The following PPM1E variants were observed in gnomAD, a reference collection of about 807,000 sequenced individuals.
PPM1E encodes protein phosphatase 1E.
Under a neutral mutation model 65.9 loss-of-function variants are expected in PPM1E, and 20 were observed. That is an observed-to-expected ratio of 0.30 (90% CI 0.21 to 0.44). The LOEUF is 0.44. PPM1E is among the 20% of genes least tolerant of loss of function. The pLI, the probability that PPM1E is intolerant of heterozygous loss-of-function variation, is 1.00. For synonymous variants in PPM1E, 352 were observed against 374.9 expected, an observed-to-expected ratio of 0.94 and a Z score of 0.70; for missense variants, 713 against 953.1, an observed-to-expected ratio of 0.75 and a Z score of 3.32.
At chr17:58,880,800 G>T (rs2051186549) in intron 1 of PPM1E, among the ~76,000 whole-genome samples, 1 of 151,752 alleles carries the variant, frequency 6.6e-6, no homozygotes, top group Non-Finnish European at 1.5e-5. Context: ...ATTTTTTTTG[G>T]TATATTTTGT....
chr17:58,947,063 CACCATTTG>C (rs2052161541), intron 1 of PPM1E, among the ~76,000 whole-genome samples: 1 of 148,350 alleles, frequency 6.7e-6, no homozygotes, highest in Non-Finnish European at 1.5e-5. Flanking sequence ...ATTTTTCCAG[CACCATTTG>C]ACCATTTTGT....
chr17:58,757,940 A>G (rs1195559873), intron 1 of PPM1E, among the ~76,000 whole-genome samples: 2 of 152,170 alleles, frequency 1.3e-5, no homozygotes, highest in Non-Finnish European at 2.9e-5. Flanking sequence ...GTCTTTGTGA[A>G]CTATCATAGA....
At chr17:58,805,375 C>T (rs778432259) in intron 1 of PPM1E, among the ~76,000 whole-genome samples, 30 of 152,102 alleles carry the variant, frequency 2.0e-4, no homozygotes, top group Non-Finnish European at 3.8e-4. Context: ...CTCAACCTCC[C>T]GAGTAACTGG....
In PPM1E at chr17:58,756,121, G is replaced by A; in HGVS notation, c.124G>A (p.Glu42Lys). ...GGAACCCGAACCCGAACCCGAACCC[G>A]AACCCGAGTCCGAGCCCGAGCCCGA... ...EPEPEPEPEP[E>K]PESEPEPEPE... The change falls in exon 1 of 7, where the codon GAA becomes AAA. Residue 42 changes from glutamate (E) to lysine (K), a missense_variant. Coordinates refer to ENST00000308249, the MANE Select transcript of PPM1E (RefSeq NM_014906.5). The A allele has an allele frequency of 6.2e-7, 1 of 1,609,036 alleles. No individual in the cohort carries two copies. Among genetic ancestry groups the A allele is most frequent in the Non-Finnish European group, 8.5e-7 (1 of 1,177,596 alleles).
chr17:58,831,643 A>G (rs925253175), intron 1 of PPM1E, among the ~76,000 whole-genome samples: 1 of 152,174 alleles, frequency 6.6e-6, no homozygotes, highest in Non-Finnish European at 1.5e-5. Context: ...TGAGATAGCT[A>G]GTATCTCCAG....
chr17:58,806,302 C>G (rs192961205), intron 1 of PPM1E, among the ~76,000 whole-genome samples: 1 of 150,832 alleles, frequency 6.6e-6, no homozygotes, highest in African/African-American at 2.4e-5. Context: ...ATCATTTTGC[C>G]GAGAAAATTA....
intron 1 of PPM1E, among the ~76,000 whole-genome samples, chr17:58,891,321 A>T (rs749153950): frequency 9.9e-5 from 15 of 151,532 alleles, no homozygotes; most frequent in Admixed American, 3.3e-4. Context: ...AAATGGATTT[A>T]TTATTATTAT....
At chr17:58,879,476 A>G (rs961560653) in intron 1 of PPM1E, among the ~76,000 whole-genome samples, 1 of 150,300 alleles carries the variant, frequency 6.7e-6, no homozygotes, top group Non-Finnish European at 1.5e-5. Flanking sequence ...TCATTTAGGA[A>G]AAAAAGATTA....
rs59797345 is a variant in PPM1E at position 58,837,332 on chromosome 17, T to TACAC, written c.464+80896_464+80899dup. 2.9e-3 allele frequency among the ~76,000 whole-genome samples: 375 copies of TACAC among 131,418 alleles called. 2 individuals carry two copies. The highest frequency in any genetic ancestry group is 5.9e-3 in the South Asian group (23 of 3,924). The allele number at this position is 131,418 out of a possible 152,430, so 86.2% of individuals were successfully genotyped here. On this transcript the variant is annotated intron_variant, in intron 1 of 6. Transcript: ENST00000308249. ...AGAGAATGAGAATAACACACACACA[T>TACAC]ACACACACACACACACACACACACA... is the stretch of plus-strand genomic sequence containing the variant.
At chr17:58,798,737 A>C (rs1364934643) in intron 1 of PPM1E, among the ~76,000 whole-genome samples, 1 of 151,368 alleles carries the variant, frequency 6.6e-6, no homozygotes, top group East Asian at 1.9e-4. Context: ...TCTGTCACCC[A>C]AGCTGGAGTT....
chr17:58,954,458 TA>T (rs1201602701), intron 1 of PPM1E, among the ~76,000 whole-genome samples: 1 of 152,194 alleles, frequency 6.6e-6, no homozygotes, highest in Non-Finnish European at 1.5e-5. Flanking sequence ...TACCATCACC[TA>T]AAAGGCCCAT....
intron 1 of PPM1E, among the ~76,000 whole-genome samples, chr17:58,800,052 C>T (rs1023141770): frequency 3.9e-5 from 6 of 151,966 alleles, no homozygotes; most frequent in African/African-American, 1.5e-4. Flanking sequence ...GTGTGTAAAT[C>T]AATTAGCAAA....
chr17:58,804,417 C>G (rs1458127444), intron 1 of PPM1E, among the ~76,000 whole-genome samples: 3 of 151,660 alleles, frequency 2.0e-5, no homozygotes, highest in African/African-American at 7.3e-5. Context: ...TTTTTTCTTC[C>G]TACCAAAACA....
rs1301731316 is a variant in PPM1E at position 58,805,967 on chromosome 17, AAAAAAACAAAAAAAAAACAAAAC to A, written c.464+49511_464+49533del. On this transcript the variant is annotated intron_variant, in intron 1 of 6. Coordinates refer to ENST00000308249, the MANE Select transcript of PPM1E (RefSeq NM_014906.5). ...GTTCTGCTAAAAAAAAAAACAAAAA[AAAAAAACAAAAAAAAAACAAAAC>A]AAAACAAAACAAAAAAAAAACTATA... is the stretch of plus-strand genomic sequence containing the variant. Among the ~76,000 whole-genome samples, 268 of 113,794 alleles carry A rather than the reference AAAAAAACAAAAAAAAAACAAAAC, an allele frequency of 2.4e-3. 9 individuals are homozygous for A. The highest frequency in any genetic ancestry group is 8.4e-3 in the African/African-American group (213 of 25,248). The allele number at this position is 113,794 out of a possible 152,430, so 74.7% of individuals were successfully genotyped here. A position where few individuals can be genotyped will look rare whatever the true frequency, so the allele number is the denominator to read the frequency against.
chr17:58,861,611 G>A (rs552195060), intron 1 of PPM1E, among the ~76,000 whole-genome samples: 32 of 152,244 alleles, frequency 2.1e-4, no homozygotes, highest in African/African-American at 7.7e-4. Flanking sequence ...TTTCACCTTC[G>A]TTGGAGGGAG....
chr17:58,770,020 C>CT (rs2049920721), intron 1 of PPM1E, among the ~76,000 whole-genome samples: 3 of 151,722 alleles, frequency 2.0e-5, no homozygotes, highest in Admixed American at 2.0e-4. Context: ...GAGCAAAACT[C>CT]TATCTAAAAA....
rs2051737570 is a variant in PPM1E at position 58,920,452 on chromosome 17, T to C, written c.465-35197T>C. Among the ~76,000 whole-genome samples the C allele has an allele frequency of 2.0e-5, 3 of 152,186 alleles. No homozygotes were observed. In the South Asian group the frequency reaches 6.2e-4, roughly 31 times the overall value. On this transcript the variant is annotated intron_variant, in intron 1 of 6. Transcript: ENST00000308249. ...TTCTACTCTCCTCCCACAACTCCTG[T>C]CTTTCCAGCCCTCTCCCTGTAGTAT...
At chr17:58,955,597 A>G in intron 1 of PPM1E, 52 bp from the exon 2 acceptor site, 1 of 1,581,046 alleles carries the variant, frequency 6.3e-7, no homozygotes. Context: ...CGTTAAATGT[A>G]TTACTTTCTA....
At position 58,775,771 on chromosome 17, in the gene PPM1E, G is replaced by A. The variant is rs370095075; in HGVS notation, c.464+19310G>A. The stretch of plus-strand genomic sequence containing the variant: ...CTACTAAAAATACAAAAAATTAGCC[G>A]GGCGCGGTGGCGGGCGCCTGTAGTC... On this transcript the variant is annotated intron_variant, in intron 1 of 6. Coordinates refer to ENST00000308249, the MANE Select transcript of PPM1E (RefSeq NM_014906.5). 8.4e-3 allele frequency among the ~76,000 whole-genome samples: 1,254 copies of A among 149,954 alleles called. 13 individuals carry two copies. Among genetic ancestry groups the A allele is most frequent in the South Asian group, 0.019 (88 of 4,718 alleles).
Sources: gnomAD v4.1 joint callset for allele counts (sites outside exome capture counted in the v4.1 genomes callset) on GRCh38, gnomAD v4.1.1 for gene constraint, MANE v1.5 for transcripts, NCBI Gene and HGNC (gene_info 2026-07-23, HGNC 2026-07-21) for gene names.